Variants in RGS6 observed in about 807,000 individuals in gnomAD.
The protein encoded by RGS6 is regulator of G-protein signaling 6.
A neutral mutation model predicts 78.5 loss-of-function variants in RGS6; 30 were observed. That is an observed-to-expected ratio of 0.38 (90% CI 0.29 to 0.52). The LOEUF (loss-of-function observed/expected upper bound fraction) is 0.52. Ranked by LOEUF, RGS6 falls within the 20% of genes least tolerant of loss-of-function variation. RGS6 has a pLI of 0.85. For missense variants in RGS6, 495 were observed against 609.7 expected, an observed-to-expected ratio of 0.81 and a Z score of 1.98; for synonymous variants, 206 against 206.0, an observed-to-expected ratio of 1.00 and a Z score of 0.00.
At chr14:72,179,730 C>A (rs569660715) in intron 2 of RGS6, among the ~76,000 whole-genome samples, 19 of 144,340 alleles carry the variant, frequency 1.3e-4, no homozygotes, top group Non-Finnish European at 2.7e-4. Flanking sequence ...TGAGTCAGCT[C>A]ATGTAACAGT....
chr14:72,189,745 C>T (rs1053408652), intron 2 of RGS6, among the ~76,000 whole-genome samples: 6 of 152,032 alleles, frequency 3.9e-5, no homozygotes, highest in African/African-American at 1.4e-4. Flanking sequence ...TGTCGTCACT[C>T]CCTTTGTATT....
At position 72,390,537 on chromosome 14, in the gene RGS6, A is replaced by C. The variant is rs1596631898; in HGVS notation, c.184+38343A>C. On this transcript the variant is annotated intron_variant, in intron 3 of 17. Coordinates refer to ENST00000553525, the MANE Select transcript of RGS6 (RefSeq NM_001204424.2). ...ATTGAGACAGTTATGAAAAGTTTTA[A>C]TTGTAAATTTTAATTCTCATGTGAA... is the stretch of plus-strand genomic sequence containing the variant. 3.3e-5 allele frequency among the ~76,000 whole-genome samples: 5 copies of C among 152,288 alleles called. No individual in the cohort carries two copies. The South Asian group carries it at 1.0e-3, about 32-fold the overall frequency.
intron 2 of RGS6, among the ~76,000 whole-genome samples, chr14:72,090,761 G>C (rs1406025936): frequency 6.6e-6 from 1 of 152,146 alleles, no homozygotes; most frequent in Non-Finnish European, 1.5e-5. Flanking sequence ...CCTTTTTGGA[G>C]AGTGCCCAGC....
At chr14:72,418,569 A>G (rs563447978) in intron 3 of RGS6, among the ~76,000 whole-genome samples, 6 of 152,234 alleles carry the variant, frequency 3.9e-5, no homozygotes, top group Non-Finnish European at 7.3e-5. Flanking sequence ...CTCTGAAACA[A>G]TAGGACAGCC....
the RGS6 span, among the ~76,000 whole-genome samples, chr14:71,926,585 G>GAAAAAAAAAAA: frequency 0.072 from 3,685 of 50,982 alleles, 198 homozygotes; most frequent in Non-Finnish European, 0.11. Flanking sequence ...CTCTGTCTCA[G>GAAAAAAAAAAA]AAAAAAAAAA....
chr14:72,619,605 G>A, the RGS6 span, among the ~76,000 whole-genome samples: 3 of 152,122 alleles, frequency 2.0e-5, no homozygotes, highest in Non-Finnish European at 2.9e-5. Context: ...AACTAGTGTC[G>A]CCGGGCCTGC....
intron 4 of RGS6, among the ~76,000 whole-genome samples, chr14:72,458,036 A>AGG (rs2095677260): frequency 6.6e-6 from 1 of 152,122 alleles, no homozygotes; most frequent in African/African-American, 2.4e-5. Context: ...CAGGGTGAGG[A>AGG]GGGGTTAAGC....
chr14:72,109,839 G>T (rs572653689), intron 2 of RGS6, among the ~76,000 whole-genome samples: 1 of 152,296 alleles, frequency 6.6e-6, no homozygotes, highest in East Asian at 1.9e-4. Flanking sequence ...GAAGACCTCA[G>T]ATGTGGCAAA....
At chr14:72,350,663 T>C (rs2078943656) in intron 2 of RGS6, among the ~76,000 whole-genome samples, 2 of 152,000 alleles carry the variant, frequency 1.3e-5, no homozygotes, top group Non-Finnish European at 2.9e-5. Flanking sequence ...TAGGGTTCCC[T>C]TGTTGACCTA....
At chr14:72,358,264 GT>G (rs2080767953) in intron 3 of RGS6, among the ~76,000 whole-genome samples, 1 of 152,212 alleles carries the variant, frequency 6.6e-6, no homozygotes, top group African/African-American at 2.4e-5. Flanking sequence ...TGGGGTTGGA[GT>G]CCCCACACAG....
chr14:72,394,747 G>A (rs986000646), intron 3 of RGS6, among the ~76,000 whole-genome samples: 1 of 152,180 alleles, frequency 6.6e-6, no homozygotes, highest in South Asian at 2.1e-4. Context: ...TCATTACAGG[G>A]TCCTGAGGTG....
rs771911115 is a variant in RGS6, at chr14:71,964,897, C to T, written c.84+22C>T. ...CAAAGTAAGGCGCCTGGTCAAGTGC[C>T]GTGCGTGCTGTCCGTGTGGACTGTT... On this transcript the variant is annotated intron_variant, in intron 2 of 17. Transcript: ENST00000553525. The T allele has an allele frequency of 1.6e-5, 26 of 1,598,806 alleles. 1 individual carries two copies. Among genetic ancestry groups the T allele is most frequent in the East Asian group, 4.5e-5 (2 of 44,824 alleles).
At chr14:72,421,353 AT>A (rs201211463) in intron 3 of RGS6, among the ~76,000 whole-genome samples, 3,515 of 152,180 alleles carry the variant, frequency 0.023, 65 homozygotes, top group Middle Eastern at 0.065. Flanking sequence ...CTTCCTGGTC[AT>A]CAAAACTATG....
the RGS6 span, among the ~76,000 whole-genome samples, chr14:71,905,102 G>C: frequency 6.6e-6 from 1 of 152,074 alleles, no homozygotes; most frequent in Non-Finnish European, 1.5e-5. Context: ...TCCTCATCTG[G>C]GATTGCTTTC....
At chr14:71,880,090 A>G in the RGS6 span, among the ~76,000 whole-genome samples, 2 of 152,236 alleles carry the variant, frequency 1.3e-5, no homozygotes, top group African/African-American at 4.8e-5. Flanking sequence ...TGTTTTAGCA[A>G]AGAGACTGGT....
intron 2 of RGS6, among the ~76,000 whole-genome samples, chr14:72,055,095 C>T (rs923561976): frequency 1.3e-5 from 2 of 152,158 alleles, no homozygotes; most frequent in South Asian, 4.1e-4. Context: ...TAAGCATTTG[C>T]GTCTCCTGGC....
chr14:72,229,902 G>A (rs2049114184), intron 2 of RGS6, among the ~76,000 whole-genome samples: 1 of 152,144 alleles, frequency 6.6e-6, no homozygotes, highest in African/African-American at 2.4e-5. Context: ...CATAAGACTC[G>A]CTTCTCCACC....
chr14:72,577,792 TGA>T, the RGS6 span, among the ~76,000 whole-genome samples: 1 of 152,282 alleles, frequency 6.6e-6, no homozygotes, highest in South Asian at 2.1e-4. Flanking sequence ...TCTCCACATC[TGA>T]GAGACACAGG....
At chr14:72,348,986 G>A (rs571204492) in intron 2 of RGS6, among the ~76,000 whole-genome samples, 7 of 152,050 alleles carry the variant, frequency 4.6e-5, no homozygotes, top group East Asian at 1.9e-4. Flanking sequence ...CTAACATGGT[G>A]AAACCCTGTC....
Sources: allele counts gnomAD v4.1 joint callset (sites outside exome capture counted in the v4.1 genomes callset), GRCh38; gene constraint gnomAD v4.1.1; transcripts MANE v1.5; gene names NCBI Gene and HGNC (gene_info 2026-07-23, HGNC 2026-07-21).